LRP1B: variants seen among roughly 807,000 people sequenced by gnomAD.
The protein encoded by LRP1B is LDL receptor related protein 1B.
A neutral mutation model predicts 556.6 loss-of-function variants in LRP1B; 217 were observed. That is an observed-to-expected ratio of 0.39 (90% CI 0.35 to 0.44). LRP1B has a LOEUF of 0.44. LRP1B is among the 20% of genes least tolerant of loss of function. The probability of loss-of-function intolerance (pLI) is 1.00; values close to 1 mark genes in which losing one functional copy is unlikely to be tolerated. For missense variants in LRP1B, 5,053 were observed against 5,620.8 expected (o/e 0.90, Z 3.23); for synonymous variants, 2,047 against 1,865.8 (o/e 1.10, Z -2.50).
chr2:141,482,362 A>G (rs1682950108), intron 2 of LRP1B, among the ~76,000 whole-genome samples: 1 of 152,092 alleles, frequency 6.6e-6, no homozygotes, highest in African/African-American at 2.4e-5. Context: ...TGTAAATTTC[A>G]TGTGTATTTA....
At chr2:141,268,085 C>G (rs1356081472) in intron 3 of LRP1B, among the ~76,000 whole-genome samples, 1 of 152,128 alleles carries the variant, frequency 6.6e-6, no homozygotes, top group East Asian at 1.9e-4. Flanking sequence ...GAGAAGGTAT[C>G]TCTATGTTCA....
chr2:140,970,207 A>G (rs1696369920), intron 18 of LRP1B, among the ~76,000 whole-genome samples: 1 of 152,106 alleles, frequency 6.6e-6, no homozygotes, highest in African/African-American at 2.4e-5. Context: ...TATTTCTTGG[A>G]AGCTTTGTTC....
At chr2:141,001,545 C>T (rs867359697) in intron 15 of LRP1B, among the ~76,000 whole-genome samples, 14 of 152,184 alleles carry the variant, frequency 9.2e-5, no homozygotes, top group African/African-American at 3.4e-4. Context: ...GTTCAATTCC[C>T]ACCTATGAGT....
intron 88 of LRP1B, among the ~76,000 whole-genome samples, 190 bp from the exon 89 acceptor site, chr2:140,238,486 C>T (rs1680809262): frequency 6.6e-6 from 1 of 150,872 alleles, no homozygotes; most frequent in Non-Finnish European, 1.5e-5. Context: ...TTAATAAAAA[C>T]ACACTGGAAA....
intron 37 of LRP1B, among the ~76,000 whole-genome samples, chr2:140,712,219 C>T (rs957396250): frequency 2.0e-5 from 3 of 152,096 alleles, no homozygotes; most frequent in African/African-American, 7.2e-5. Flanking sequence ...ACTTGGGAAT[C>T]TGAATACCAA....
chr2:140,986,336 C>T (rs1268390467), intron 17 of LRP1B, among the ~76,000 whole-genome samples: 5 of 152,086 alleles, frequency 3.3e-5, no homozygotes, highest in Admixed American at 3.3e-4. Context: ...TCACATCTCT[C>T]TCTTCGTGCA....
At chr2:140,314,527 T>C (rs35412248) in intron 83 of LRP1B, among the ~76,000 whole-genome samples, 2,022 of 152,242 alleles carry the variant, frequency 0.013, 19 homozygotes, top group Non-Finnish European at 0.023. Flanking sequence ...GATTCTCTGT[T>C]ACAGTTTATT....
intron 41 of LRP1B, among the ~76,000 whole-genome samples, chr2:140,621,279 T>G (rs503378): frequency 0.94 from 141,894 of 150,844 alleles, 67,381 homozygotes; most frequent in East Asian, 1. Flanking sequence ...CCAGGTACTC[T>G]GGAGGCTGAG....
chr2:142,106,434 C>T (rs2104979188), intron 1 of LRP1B, among the ~76,000 whole-genome samples: 1 of 152,174 alleles, frequency 6.6e-6, no homozygotes, highest in African/African-American at 2.4e-5. Context: ...TTTGCAGATA[C>T]AAAATCTCAG....
At chr2:140,584,073 A>G (rs1681886991) in intron 43 of LRP1B, among the ~76,000 whole-genome samples, 1 of 152,088 alleles carries the variant, frequency 6.6e-6, no homozygotes, top group South Asian at 2.1e-4. Context: ...ATCATTTTAA[A>G]TGTTCTCAGA....
Position 141,807,849 on chromosome 2 carries a change from CT to C in LRP1B, c.205+2429del, listed in dbSNP as rs1696214065. Among the ~76,000 whole-genome samples, 3 of 152,150 alleles carry C rather than the reference CT, an allele frequency of 2.0e-5. No homozygotes were observed. In the South Asian group the frequency reaches 6.2e-4, roughly 32 times the overall value. The stretch of plus-strand genomic sequence containing the variant: ...GATGCCTAATCAATCAGGGTGAATA[CT>C]GGTCGGTGCATACAGGCCTGGTACA... On this transcript the variant is annotated intron_variant, in intron 2 of 90. Transcript: ENST00000389484.
chr2:141,728,391 A>G (rs1440149437), intron 2 of LRP1B, among the ~76,000 whole-genome samples: 1 of 152,026 alleles, frequency 6.6e-6, no homozygotes. Flanking sequence ...CCCTGACTTC[A>G]ATCAGGGGCC....
intron 35 of LRP1B, among the ~76,000 whole-genome samples, chr2:140,762,966 T>C (rs1688977897): frequency 6.6e-6 from 1 of 152,094 alleles, no homozygotes; most frequent in African/African-American, 2.4e-5. Context: ...CTAAAAGAGA[T>C]CTCCTCATTA....
intron 2 of LRP1B, among the ~76,000 whole-genome samples, chr2:141,597,117 C>T (rs1184482997): frequency 5.9e-5 from 9 of 151,860 alleles, no homozygotes; most frequent in African/African-American, 2.2e-4. Context: ...TGTGCCATTA[C>T]TGTAGAAACT....
chr2:140,636,624 C>T (rs566615817), intron 41 of LRP1B, among the ~76,000 whole-genome samples: 2 of 152,088 alleles, frequency 1.3e-5, no homozygotes, highest in Non-Finnish European at 2.9e-5. Context: ...TAAAAGCATA[C>T]CACATCCTCC....
At chr2:141,608,008 TG>T (rs1349452888) in intron 2 of LRP1B, among the ~76,000 whole-genome samples, 2 of 152,088 alleles carry the variant, frequency 1.3e-5, no homozygotes, top group Non-Finnish European at 2.9e-5. Context: ...GCGGATCACC[TG>T]AGGTAGGGAG....
intron 3 of LRP1B, among the ~76,000 whole-genome samples, chr2:141,474,036 CT>C (rs756852726): frequency 0.41 from 48,314 of 118,356 alleles, 9,610 homozygotes; most frequent in Non-Finnish European, 0.45. Context: ...TCCTTCCTTC[CT>C]TCCTTCCTTT....
chr2:140,541,968 T>C lies in LRP1B; in HGVS notation c.7198A>G (p.Ile2400Val). The C allele has an allele frequency of 6.3e-7, 1 of 1,594,998 alleles. No homozygotes were observed. Residue 2400 changes from isoleucine to valine, a missense_variant, in exon 44 of 91, where the codon ATA becomes GTA. By Grantham distance (29) the Ile-to-Val change is conservative. This residue lies in a region of LRP1B where 3,619 missense variants were observed against 3,931.9 expected (regional missense o/e 0.92). Coordinates refer to ENST00000389484, the MANE Select transcript of LRP1B (RefSeq NM_018557.3). ...AAAGTCCCTGGCCCAGATTTAACTA[T>C]CACCTGAAATAAATTAAAATACTGT... ...CEYDGSQRHV[I>V]VKSGPGTFLS...
intron 7 of LRP1B, among the ~76,000 whole-genome samples, chr2:141,171,211 A>T (rs1366098214): frequency 6.6e-6 from 1 of 152,004 alleles, no homozygotes; most frequent in African/African-American, 2.4e-5. Flanking sequence ...CATAGATTAC[A>T]TTGCTTCACT....
Sources: gnomAD v4.1 joint callset for allele counts (sites outside exome capture counted in the v4.1 genomes callset) on GRCh38, gnomAD v4.1.1 for gene constraint, gnomAD v4.1.1 regional missense constraint, MANE v1.5 for transcripts, NCBI Gene and HGNC (gene_info 2026-07-23, HGNC 2026-07-21) for gene names.